Variants in FLT1 observed in about 807,000 individuals in gnomAD.
The protein encoded by FLT1 is vascular endothelial growth factor receptor 1.
A neutral mutation model predicts 156.3 loss-of-function variants in FLT1; 49 were observed. That is an observed-to-expected ratio of 0.31 (90% CI 0.25 to 0.40). FLT1 has a LOEUF of 0.40. FLT1 is among the 10% of genes least tolerant of loss of function. The pLI is 1.00. For synonymous variants in FLT1, 594 were observed against 583.8 expected (o/e 1.02, Z -0.25); for missense variants, 1,322 against 1,637.2 (o/e 0.81, Z 3.32).
intron 19 of FLT1, among the ~76,000 whole-genome samples, chr13:28,328,739 G>C (rs1871797940): frequency 6.6e-6 from 1 of 152,180 alleles, no homozygotes; most frequent in Non-Finnish European, 1.5e-5. Context: ...TTCCATGCTG[G>C]CGCCCAGCTG....
intron 23 of FLT1, among the ~76,000 whole-genome samples, chr13:28,320,750 C>G (rs989007670): frequency 6.6e-6 from 1 of 151,992 alleles, no homozygotes; most frequent in Admixed American, 6.6e-5. Context: ...GCTTGTTAGG[C>G]CAGCACACTG....
At chr13:28,477,474 T>C (rs556615949) in intron 1 of FLT1, among the ~76,000 whole-genome samples, 4 of 152,322 alleles carry the variant, frequency 2.6e-5, no homozygotes, top group African/African-American at 9.6e-5. Context: ...TACCATACGA[T>C]GTCATGAAAG....
chr13:28,473,781 A>G (rs9578042), intron 1 of FLT1, among the ~76,000 whole-genome samples: 2,817 of 58,704 alleles, frequency 0.048, 33 homozygotes, highest in Admixed American at 0.081. Flanking sequence ...AAGGAAGGAA[A>G]GAAAGAAAGA....
At chr13:28,420,532 G>A (rs191940138) in intron 10 of FLT1, among the ~76,000 whole-genome samples, 157 of 152,298 alleles carry the variant, frequency 1.0e-3, no homozygotes, top group African/African-American at 3.6e-3. Flanking sequence ...GTATGTGACC[G>A]TATTTCCAAA....
chr13:28,336,804 G>A (rs140693900), intron 17 of FLT1, among the ~76,000 whole-genome samples: 367 of 142,638 alleles, frequency 2.6e-3, no homozygotes, highest in African/African-American at 9.3e-3. Context: ...CCGGAGTGCC[G>A]TGGCGTGATC....
chr13:28,483,091 A>G lies in FLT1; in HGVS notation c.64+11689T>C, dbSNP rs148542146. On this transcript the variant is annotated intron_variant, in intron 1 of 29. Transcript: ENST00000282397. ...TCTACCAGAAGTCCTTATGGAGAGGATTCTGAAGCCATAAAAATTTTCAAA... is the reference window on the plus strand; with the variant it reads ...TCTACCAGAAGTCCTTATGGAGAGGGTTCTGAAGCCATAAAAATTTTCAAA... Among the ~76,000 whole-genome samples, 486 of 152,312 alleles carry G rather than the reference A, an allele frequency of 3.2e-3. 2 individuals carry two copies. The highest frequency in any genetic ancestry group is 0.011 in the African/African-American group (459 of 41,574).
rs118133381 is a variant in FLT1 at position 28,463,762 on chromosome 13, A to G, written c.388+3141T>C. On this transcript the variant is annotated intron_variant, in intron 3 of 29. Coordinates refer to ENST00000282397, the MANE Select transcript of FLT1 (RefSeq NM_002019.4). ...AAACCTGTCATGGAAGTGTTCGGTA[A>G]CAATGGAAGCAGAAGATCAAATTTT... 9.5e-4 allele frequency among the ~76,000 whole-genome samples: 145 copies of G among 152,350 alleles called. 1 individual carries two copies. The East Asian group carries it at 0.022, about 23-fold the overall frequency.
intron 14 of FLT1, among the ~76,000 whole-genome samples, chr13:28,372,298 T>C (rs1873640845): frequency 6.7e-6 from 1 of 148,526 alleles, no homozygotes; most frequent in African/African-American, 2.5e-5. Context: ...GCCAAGCTGG[T>C]CTTGAACTCC....
chr13:28,348,595 A>G (rs576043092), intron 15 of FLT1, among the ~76,000 whole-genome samples: 235 of 152,220 alleles, frequency 1.5e-3, no homozygotes, highest in Non-Finnish European at 2.8e-3. Flanking sequence ...ACCTACCTCT[A>G]AAGAGTTTCA....
At chr13:28,389,492 T>C in intron 13 of FLT1, 2 of 1,413,262 alleles carry the variant, frequency 1.4e-6, no homozygotes, top group East Asian at 5.1e-5. Context: ...GCAGGGATCC[T>C]CCAAATCCAA....
chr13:28,431,208 T>C lies in FLT1; in HGVS notation c.916A>G (p.Lys306Glu), dbSNP rs762663070. 1 of 1,613,820 alleles carries C rather than the reference T, an allele frequency of 6.2e-7. No individual in the cohort carries two copies. The highest frequency in any genetic ancestry group is 1.1e-5 in the South Asian group (1 of 91,070). ...LTIDKMQNKD[K>E]GLYTCRVRSG... ...CTTACACGACAAGTATAAAGTCCTT[T>C]GTCTTTGTTCTGCATTTTGTCAATA... The change falls in exon 7 of 30, where the codon AAA becomes GAA. Residue 306 changes from lysine to glutamate, a missense_variant. By Grantham distance (56) the Lys-to-Glu change is moderately conservative. This residue lies in a region of FLT1 where 991 missense variants were observed against 1,254.8 expected (regional missense o/e 0.79). Coordinates refer to ENST00000282397, the MANE Select transcript of FLT1 (RefSeq NM_002019.4).
chr13:28,361,028 C>CA (rs946876300), intron 14 of FLT1, among the ~76,000 whole-genome samples: 7 of 152,140 alleles, frequency 4.6e-5, no homozygotes, highest in Non-Finnish European at 7.4e-5. Context: ...CCTGTAATCC[C>CA]AGCACTTGTG....
chr13:28,344,792 CTTTTTTTTTTT>C (rs869199622), intron 16 of FLT1, among the ~76,000 whole-genome samples: 17 of 41,410 alleles, frequency 4.1e-4, no homozygotes, highest in Non-Finnish European at 5.7e-4. Context: ...GGGGCCTTTA[CTTTTTTTTTTT>C]TTTTTTTTTT....
At chr13:28,347,554 G>A (rs768602625) in intron 15 of FLT1, among the ~76,000 whole-genome samples, 27 of 151,998 alleles carry the variant, frequency 1.8e-4, no homozygotes, top group Non-Finnish European at 3.8e-4. Context: ...CCAGACCTGG[G>A]AAAAGATAGG....
intron 24 of FLT1, among the ~76,000 whole-genome samples, chr13:28,318,079 C>T (rs1871278134): frequency 6.6e-6 from 1 of 152,140 alleles, no homozygotes; most frequent in Admixed American, 6.5e-5. Context: ...CCACCTCAGC[C>T]TCCCGAGCAG....
chr13:28,363,603 C>A (rs1398281089), intron 14 of FLT1, among the ~76,000 whole-genome samples: 1 of 151,820 alleles, frequency 6.6e-6, no homozygotes, highest in Non-Finnish European at 1.5e-5. Context: ...TCCCATTCAG[C>A]AATGCTTTTA....
At chr13:28,465,580 T>C (rs1879803316) in intron 3 of FLT1, among the ~76,000 whole-genome samples, 1 of 152,168 alleles carries the variant, frequency 6.6e-6, no homozygotes, top group Admixed American at 6.5e-5. Flanking sequence ...CGGTAGCTCA[T>C]GCCTGTAATC....
rs748298966 is a variant in FLT1, at chr13:28,300,431, T to G, written c.*2736A>C. On this transcript the variant is annotated 3_prime_UTR_variant, in exon 30 of 30. Coordinates refer to ENST00000282397, the MANE Select transcript of FLT1 (RefSeq NM_002019.4). Reference sequence around the variant, plus strand: ...AATATAGGACCAAACCATGTCTGTCTTATATCTGTAGCATATATTCTTGGT... The same window carrying G: ...AATATAGGACCAAACCATGTCTGTCGTATATCTGTAGCATATATTCTTGGT... The G allele has an allele frequency of 8.6e-6, 2 of 233,160 alleles. No individual in the cohort carries two copies. The highest frequency in any genetic ancestry group is 1.7e-5 in the Non-Finnish European group (2 of 118,072). The allele number at this position is 233,160 out of a possible 1,614,324, so 14.4% of individuals were successfully genotyped here.
rs139202898 is a variant in FLT1, at chr13:28,433,920, G to C, written c.712C>G (p.Arg238Gly). The C allele has an allele frequency of 6.2e-7, 1 of 1,613,952 alleles. No individual in the cohort carries two copies. Among genetic ancestry groups the C allele is most frequent in the African/African-American group, 1.3e-5 (1 of 74,930 alleles). The change falls in exon 6 of 30, where the codon CGC becomes GGC. Residue 238 changes from arginine to glycine, a missense_variant. Arg to Gly is a moderately radical substitution (Grantham distance 125). Coordinates refer to ENST00000282397, the MANE Select transcript of FLT1 (RefSeq NM_002019.4). ...TIIDVQISTP[R>G]PVKLLRGHTL... Reference sequence around the variant, plus strand: ...TGGCCTCTAAGTAATTTGACTGGGCGTGGTGTGCTTATTTGGACATCTATG... The same window carrying C: ...TGGCCTCTAAGTAATTTGACTGGGCCTGGTGTGCTTATTTGGACATCTATG...
Sources: allele counts gnomAD v4.1 joint callset (sites outside exome capture counted in the v4.1 genomes callset), GRCh38; gene constraint gnomAD v4.1.1; regional missense constraint gnomAD v4.1.1; transcripts MANE v1.5; gene names NCBI Gene and HGNC (gene_info 2026-07-23, HGNC 2026-07-21).